Variants in DOCK3 observed in about 807,000 individuals in gnomAD.
The protein encoded by DOCK3 is dedicator of cytokinesis 3, also known as dedicator of cytokinesis protein 3.
DOCK3 carries 60 observed loss-of-function variants against 265.6 expected under a neutral mutation model. The observed-to-expected ratio is 0.23, with a 90% CI of 0.18 to 0.28. DOCK3 has a LOEUF of 0.28. Among genes scored for constraint, DOCK3 ranks in the 10% least tolerant of loss-of-function variants. DOCK3 has a pLI of 1.00. For missense variants in DOCK3, 1,981 were observed against 2,594.3 expected, an observed-to-expected ratio of 0.76 and a Z score of 5.14; for synonymous variants, 881 against 938.0, an observed-to-expected ratio of 0.94 and a Z score of 1.11.
chr3:50,914,088 T>C lies in DOCK3; in HGVS notation c.219-19893T>C, dbSNP rs2049997472. On this transcript the variant is annotated intron_variant, in intron 4 of 52. Transcript: ENST00000266037. The stretch of plus-strand genomic sequence containing the variant: ...ATTTTATTTTATTTATTTGGGTCTT[T>C]TTTTTCATGGTTAGTATAGGTAGTA... Among the ~76,000 whole-genome samples, 4 of 134,162 alleles carry C rather than the reference T, an allele frequency of 3.0e-5. No homozygotes were observed. In the South Asian group the frequency reaches 9.2e-4, roughly 31 times the overall value. 88.0% of individuals were successfully genotyped at this position (134,162 alleles called of 152,430 possible).
intron 13 of DOCK3, among the ~76,000 whole-genome samples, chr3:51,210,670 A>T (rs143652259): frequency 6.4e-4 from 97 of 152,328 alleles, no homozygotes; most frequent in African/African-American, 2.2e-3. Context: ...TAGATTGCTC[A>T]AGGAATATTT....
At chr3:51,167,588 AT>A (rs576685034) in intron 12 of DOCK3, among the ~76,000 whole-genome samples, 1 of 151,602 alleles carries the variant, frequency 6.6e-6, no homozygotes, top group East Asian at 1.9e-4. Flanking sequence ...TGAACACTGG[AT>A]TTTTTTTCAT....
chr3:50,850,086 G>A (rs1191205484), intron 3 of DOCK3, among the ~76,000 whole-genome samples: 1 of 151,568 alleles, frequency 6.6e-6, no homozygotes, highest in Non-Finnish European at 1.5e-5. Context: ...TGCTTTAGAA[G>A]TTTCTTTGTG....
At chr3:51,280,892 G>C (rs961882571) in intron 27 of DOCK3, among the ~76,000 whole-genome samples, 27 of 152,016 alleles carry the variant, frequency 1.8e-4, no homozygotes, top group Admixed American at 1.8e-3. Context: ...ACTCCACAAA[G>C]GCAGCCACTT....
intron 1 of DOCK3, among the ~76,000 whole-genome samples, chr3:50,734,842 A>G (rs1196366700): frequency 2.0e-5 from 3 of 152,058 alleles, no homozygotes; most frequent in African/African-American, 7.2e-5. Flanking sequence ...TGACCTTGTG[A>G]TCTGCCTGCC....
chr3:51,098,718 C>T (rs1010043791), intron 9 of DOCK3, among the ~76,000 whole-genome samples: 1 of 152,164 alleles, frequency 6.6e-6, no homozygotes, highest in Non-Finnish European at 1.5e-5. Flanking sequence ...TATAGTCTAG[C>T]CTGTCTTAAC....
intron 1 of DOCK3, among the ~76,000 whole-genome samples, chr3:50,730,912 C>T (rs1018399960): frequency 7.9e-5 from 12 of 151,790 alleles, no homozygotes; most frequent in African/African-American, 2.4e-4. Context: ...GGGTGGATCA[C>T]GAGGCCAGGA....
At chr3:51,319,726 G>T (rs371849044) in intron 32 of DOCK3, among the ~76,000 whole-genome samples, 2 of 151,916 alleles carry the variant, frequency 1.3e-5, no homozygotes, top group African/African-American at 4.8e-5. Context: ...TTAGCTGGGC[G>T]TGGTGGTGTG....
chr3:50,998,316 T>G (rs1421341975), intron 5 of DOCK3, among the ~76,000 whole-genome samples: 1 of 152,188 alleles, frequency 6.6e-6, no homozygotes, highest in East Asian at 1.9e-4. Flanking sequence ...TTTAAAATAC[T>G]GATGCCCAGG....
chr3:50,932,648 T>G (rs1024748875), intron 4 of DOCK3, among the ~76,000 whole-genome samples: 13 of 152,226 alleles, frequency 8.5e-5, no homozygotes, highest in Non-Finnish European at 1.5e-4. Context: ...ACCAGCTTTT[T>G]TTCATCTTGG....
At chr3:51,322,189 CTTTTGT>C (rs762396054) in intron 32 of DOCK3, among the ~76,000 whole-genome samples, 9 of 152,076 alleles carry the variant, frequency 5.9e-5, no homozygotes, top group East Asian at 1.9e-4. Flanking sequence ...ATTCAACATT[CTTTTGT>C]TTTTGTTTTT....
At chr3:51,242,118 C>T (rs980252019) in intron 21 of DOCK3, among the ~76,000 whole-genome samples, 1 of 151,754 alleles carries the variant, frequency 6.6e-6, no homozygotes, top group South Asian at 2.1e-4. Context: ...TGTTTGATGA[C>T]CTTGAATGTT....
At chr3:50,682,107 TC>T (rs1422967824) in intron 1 of DOCK3, among the ~76,000 whole-genome samples, 2 of 152,216 alleles carry the variant, frequency 1.3e-5, no homozygotes, top group African/African-American at 2.4e-5. Context: ...ACTTTAGAAC[TC>T]TAAGAAATCT....
At chr3:50,770,391 A>T (rs368757729) in intron 1 of DOCK3, among the ~76,000 whole-genome samples, 73 of 152,136 alleles carry the variant, frequency 4.8e-4, no homozygotes, top group African/African-American at 1.7e-3. Flanking sequence ...CCAAAAAAGT[A>T]AAAGATCTCC....
intron 2 of DOCK3, among the ~76,000 whole-genome samples, chr3:50,808,864 T>A (rs2043577002): frequency 6.6e-6 from 1 of 152,220 alleles, no homozygotes; most frequent in Non-Finnish European, 1.5e-5. Context: ...CAATTGAAAT[T>A]GAAAATGATG....
At chr3:51,343,433 A>C (rs531117591) in intron 38 of DOCK3, among the ~76,000 whole-genome samples, 1 of 152,202 alleles carries the variant, frequency 6.6e-6, no homozygotes, top group Non-Finnish European at 1.5e-5. Flanking sequence ...AGGCTCATCT[A>C]TCTTGCTGGT....
intron 3 of DOCK3, among the ~76,000 whole-genome samples, chr3:50,863,032 G>A (rs1216787211): frequency 1.3e-5 from 2 of 152,194 alleles, no homozygotes; most frequent in African/African-American, 4.8e-5. Context: ...GCTGGCCCCC[G>A]CAGTGATTGG....
chr3:50,831,079 T>G (rs2045118814), intron 2 of DOCK3, among the ~76,000 whole-genome samples: 1 of 152,086 alleles, frequency 6.6e-6, no homozygotes, highest in African/African-American at 2.4e-5. Flanking sequence ...TTTAGCATAC[T>G]AATGCATTAT....
chr3:51,199,112 C>T (rs79659052), intron 12 of DOCK3, among the ~76,000 whole-genome samples: 1 of 152,152 alleles, frequency 6.6e-6, no homozygotes. Flanking sequence ...GTCAGCGACA[C>T]AGAAGACGGG....
Sources: allele counts gnomAD v4.1 joint callset (sites outside exome capture counted in the v4.1 genomes callset), GRCh38; gene constraint gnomAD v4.1.1; transcripts MANE v1.5; gene names NCBI Gene and HGNC (gene_info 2026-07-23, HGNC 2026-07-21).